GNL3L: variants seen among roughly 807,000 people sequenced by gnomAD.
GNL3L encodes the protein G protein nucleolar 3 like.
Under a neutral mutation model 42.9 loss-of-function variants are expected in GNL3L, and 4 were observed. The ratio of observed to expected loss-of-function variants is 0.09; its 90% CI spans 0.05 to 0.21. The LOEUF (loss-of-function observed/expected upper bound fraction) is 0.21, where lower values mean the gene tolerates loss of function less well. Ranked by LOEUF, GNL3L falls within the 10% of genes least tolerant of loss-of-function variation. The probability of loss-of-function intolerance (pLI) is 1.00; values close to 1 mark genes in which losing one functional copy is unlikely to be tolerated. For synonymous variants in GNL3L, 159 were observed against 176.3 expected (o/e 0.90, Z 0.78); for missense variants, 412 against 481.7 (o/e 0.86, Z 1.36).
intron 2 of GNL3L, among the ~76,000 whole-genome samples, chrX:54,538,253 G>A (rs1196545937): frequency 2.7e-5 from 3 of 111,061 alleles, no homozygotes; most frequent in Admixed American, 9.7e-5. Context: ...TGCAGTGGGA[G>A]CCAACTGATG....
intron 16 of GNL3L, among the ~76,000 whole-genome samples, chrX:54,588,446 T>C (rs990792688): frequency 2.7e-5 from 3 of 112,616 alleles, no homozygotes; most frequent in Non-Finnish European, 3.7e-5. Context: ...TTTTATCAAG[T>C]GCTTTTCTGC....
chrX:54,595,094 G>C (rs68144887), intron 16 of GNL3L, among the ~76,000 whole-genome samples: 4,519 of 111,815 alleles, frequency 0.04, 84 homozygotes, highest in South Asian at 0.1. Context: ...GTTTTTCTGT[G>C]TACTTACTAT....
intron 16 of GNL3L, among the ~76,000 whole-genome samples, chrX:54,579,986 GTTTTTTTTTT>G (rs869217575): frequency 2.7e-4 from 13 of 47,683 alleles, no homozygotes; most frequent in African/African-American, 9.8e-4. Context: ...CCTAAAGTTT[GTTTTTTTTTT>G]TTTTTTTTTT....
the GNL3L span, among the ~76,000 whole-genome samples, chrX:54,639,531 G>A: frequency 8.9e-6 from 1 of 112,018 alleles, no homozygotes; most frequent in Admixed American, 9.4e-5. Flanking sequence ...TCGGAAAGGG[G>A]CGTTATCTCT....
In GNL3L at chrX:54,541,403, C is replaced by T. The variant is rs768393609; in HGVS notation, c.306+14C>T. ...TTTGAGCATAAGGTAAGAGTGCAGC[C>T]CTTGCCCCTGGGTAGGTTTGCTCAA... On this transcript the variant is annotated intron_variant, in intron 5 of 15. Coordinates refer to ENST00000360845, the MANE Select transcript of GNL3L (RefSeq NM_001184819.2). 4.0e-5 allele frequency: 42 copies of T among 1,044,043 alleles called. No homozygotes were observed. Among genetic ancestry groups the T allele is most frequent in the East Asian group, 2.7e-4 (9 of 33,094 alleles). 86.0% of individuals were successfully genotyped at this position (1,044,043 alleles called of 1,213,427 possible).
rs948624652 is a variant in GNL3L, at chrX:54,551,202, G to T, written c.863+152G>T. ...GGAGTCTCATAGCCCTCATTTTCCT[G>T]ATACACCCTAGGTGTGGGCCAGGTC... On this transcript the variant is annotated intron_variant, in intron 10 of 15. Coordinates refer to ENST00000360845, the MANE Select transcript of GNL3L (RefSeq NM_001184819.2). The T allele has an allele frequency of 5.8e-5, 28 of 479,119 alleles. No homozygotes were observed. The African/African-American group carries it at 6.4e-4, about 11-fold the overall frequency. 39.5% of individuals were successfully genotyped at this position (479,119 alleles called of 1,213,427 possible).
downstream of GNL3L, among the ~76,000 whole-genome samples, chrX:54,622,235 C>T (rs929720226): frequency 1.9e-5 from 2 of 103,287 alleles, no homozygotes; most frequent in Non-Finnish European, 3.9e-5. Context: ...TCCTTTTCTC[C>T]TTTTAAAATT....
chrX:54,620,659 C>T (rs751707463), intron 16 of GNL3L, among the ~76,000 whole-genome samples: 28 of 111,718 alleles, frequency 2.5e-4, no homozygotes, highest in Non-Finnish European at 4.7e-4. Flanking sequence ...TGCCCAGCAG[C>T]GGGATTGCTG....
intron 15 of GNL3L, among the ~76,000 whole-genome samples, chrX:54,559,792 G>A (rs938617489): frequency 8.9e-6 from 1 of 112,029 alleles, no homozygotes; most frequent in Non-Finnish European, 1.9e-5. Flanking sequence ...GACCCCAACA[G>A]CCCTATTCTT....
chrX:54,638,405 C>G, the GNL3L span, among the ~76,000 whole-genome samples: 1 of 112,035 alleles, frequency 8.9e-6, no homozygotes, highest in Non-Finnish European at 1.9e-5. Flanking sequence ...ATCATCATCA[C>G]CACCCTCACT....
intron 16 of GNL3L, among the ~76,000 whole-genome samples, chrX:54,587,258 T>C (rs1022475791): frequency 8.9e-5 from 10 of 112,500 alleles, no homozygotes; most frequent in African/African-American, 2.9e-4. Flanking sequence ...AAATGTTTGT[T>C]AGGTATATTT....
At chrX:54,534,967 T>A (rs1030774526) in intron 2 of GNL3L, among the ~76,000 whole-genome samples, 4 of 111,777 alleles carry the variant, frequency 3.6e-5, no homozygotes, top group Non-Finnish European at 5.6e-5. Context: ...ACCTCACATT[T>A]TTTTTGTTGT....
intron 3 of GNL3L, 28 bp downstream of exon 3, chrX:54,539,129 G>C: frequency 1.1e-6 from 1 of 885,467 alleles, no homozygotes; most frequent in Non-Finnish European, 1.6e-6. Context: ...TTGAGGGTAA[G>C]GTCAAGAACA....
chrX:54,591,667 G>A (rs1925873682), intron 16 of GNL3L, among the ~76,000 whole-genome samples: 1 of 110,370 alleles, frequency 9.1e-6, no homozygotes, highest in South Asian at 3.8e-4. Context: ...TGTTCCTTTG[G>A]TCTATGTGTG....
At chrX:54,560,428 G>C in intron 15 of GNL3L, 92 bp from the exon 16 acceptor site, 1 of 578,126 alleles carries the variant, frequency 1.7e-6, no homozygotes, top group East Asian at 3.3e-5. Context: ...TCAGGAGCTT[G>C]GTGTAGACCA....
chrX:54,623,517 T>G (rs1926315786), downstream of GNL3L, among the ~76,000 whole-genome samples: 1 of 112,032 alleles, frequency 8.9e-6, no homozygotes, highest in African/African-American at 3.3e-5. Context: ...CCTGCCTCGG[T>G]CTCCCAAAGT....
intron 16 of GNL3L, among the ~76,000 whole-genome samples, chrX:54,602,231 C>T (rs1184774029): frequency 8.9e-6 from 1 of 111,763 alleles, no homozygotes; most frequent in Non-Finnish European, 1.9e-5. Flanking sequence ...TCTCCTGCAT[C>T]CTCACCAGCA....
At chrX:54,572,605 C>T (rs1412177931) in intron 16 of GNL3L, among the ~76,000 whole-genome samples, 3 of 110,599 alleles carry the variant, frequency 2.7e-5, no homozygotes, top group East Asian at 5.9e-4. Flanking sequence ...CCCCTCACCT[C>T]CCGGATGGGG....
At chrX:54,576,995 T>C (rs1367060807) in intron 16 of GNL3L, among the ~76,000 whole-genome samples, 4 of 111,681 alleles carry the variant, frequency 3.6e-5, no homozygotes, top group Non-Finnish European at 7.5e-5. Context: ...TCAGTGCATC[T>C]ATCTCCAGAA....
Sources: allele counts gnomAD v4.1 joint callset (sites outside exome capture counted in the v4.1 genomes callset), GRCh38; gene constraint gnomAD v4.1.1; transcripts MANE v1.5; gene names NCBI Gene and HGNC (gene_info 2026-07-23, HGNC 2026-07-21).